Variants in FMN2 observed in about 807,000 individuals in gnomAD.
FMN2 encodes the protein formin-2.
FMN2 carries 51 observed loss-of-function variants against 142.3 expected under a neutral mutation model. That is an observed-to-expected ratio of 0.36 (90% confidence interval 0.29 to 0.45). The LOEUF (loss-of-function observed/expected upper bound fraction) is 0.45. Ranked by LOEUF, FMN2 falls within the 20% of genes least tolerant of loss-of-function variation. The pLI, the probability that FMN2 is intolerant of heterozygous loss-of-function variation, is 1.00. For missense variants in FMN2, 1,936 were observed against 2,122.8 expected (o/e 0.91, Z 1.73); for synonymous variants, 882 against 869.8 (o/e 1.01, Z -0.25).
chr1:240,439,213 C>T (rs1275853924), intron 16 of FMN2, among the ~76,000 whole-genome samples: 2 of 145,826 alleles, frequency 1.4e-5, no homozygotes, highest in African/African-American at 2.6e-5. Context: ...GCGGAGGTTG[C>T]AGTGAGCCGA....
intron 2 of FMN2, among the ~76,000 whole-genome samples, chr1:240,136,659 C>CA (rs1418933389): frequency 6.6e-6 from 1 of 152,118 alleles, no homozygotes; most frequent in Non-Finnish European, 1.5e-5. Flanking sequence ...ACTTTTCTGT[C>CA]ATGATTTTCT....
intron 16 of FMN2, among the ~76,000 whole-genome samples, chr1:240,443,763 A>T (rs12728531): frequency 0.16 from 23,518 of 146,266 alleles, 2,064 homozygotes; most frequent in Non-Finnish European, 0.21. Flanking sequence ...AAAAAAAAAA[A>T]TTTTTTTTTC....
Position 240,410,410 on chromosome 1 carries a change from G to A in FMN2, c.4910+17848G>A, listed in dbSNP as rs944349034. Among the ~76,000 whole-genome samples, 3 of 152,266 alleles carry A rather than the reference G, an allele frequency of 2.0e-5. No individual in the cohort carries two copies. The South Asian group carries it at 6.2e-4, about 32-fold the overall frequency. ...ATTGAGACAATTTGCAATAATTGAA[G>A]CAAACTTTTAAAATCCATAGGGGCA... is the stretch of plus-strand genomic sequence containing the variant. On this transcript the variant is annotated intron_variant, in intron 15 of 17. Coordinates refer to ENST00000319653, the MANE Select transcript of FMN2 (RefSeq NM_020066.5).
chr1:240,353,320 T>C (rs1672159200), intron 13 of FMN2, among the ~76,000 whole-genome samples: 1 of 152,230 alleles, frequency 6.6e-6, no homozygotes, highest in Admixed American at 6.5e-5. Context: ...TTCATTAAAC[T>C]CACTACCATA....
At chr1:240,277,716 G>A (rs1420295237) in intron 7 of FMN2, among the ~76,000 whole-genome samples, 1 of 151,424 alleles carries the variant, frequency 6.6e-6, no homozygotes, top group Non-Finnish European at 1.5e-5. Context: ...TGTATTTTTA[G>A]TAGAGACGAG....
intron 7 of FMN2, among the ~76,000 whole-genome samples, chr1:240,260,961 TC>T (rs1370401749): frequency 2.0e-5 from 3 of 152,234 alleles, no homozygotes; most frequent in African/African-American, 7.2e-5. Context: ...AGTTTCATTC[TC>T]CTACAGTGTC....
chr1:240,267,632 T>TAAA (rs60539167), intron 7 of FMN2, among the ~76,000 whole-genome samples: 1 of 140,568 alleles, frequency 7.1e-6, no homozygotes, highest in South Asian at 2.3e-4. Flanking sequence ...CCCCTGAACT[T>TAAA]AAAAAAAAAA....
intron 2 of FMN2, chr1:240,145,530 A>AT (rs71168902): frequency 0.017 from 1,455 of 84,488 alleles, 142 homozygotes; most frequent in Admixed American, 0.035. Flanking sequence ...TTCTTTTTCT[A>AT]TTTTTTTTTT....
intron 1 of FMN2, among the ~76,000 whole-genome samples, chr1:240,098,044 C>G (rs907521180): frequency 2.7e-5 from 4 of 147,674 alleles, no homozygotes; most frequent in African/African-American, 1.0e-4. Flanking sequence ...TGCATAGGCT[C>G]TAGAACTTGG....
At chr1:240,320,374 A>C (rs2102999327) in intron 8 of FMN2, among the ~76,000 whole-genome samples, 1 of 152,320 alleles carries the variant, frequency 6.6e-6, no homozygotes, top group Non-Finnish European at 1.5e-5. Flanking sequence ...TTTGGCCATA[A>C]GGAAGAATGA....
chr1:240,192,912 C>T (rs1030879067), intron 4 of FMN2, among the ~76,000 whole-genome samples: 4 of 151,596 alleles, frequency 2.6e-5, no homozygotes, highest in East Asian at 1.9e-4. Flanking sequence ...AAAATATAGA[C>T]GTTTTAGCTT....
intron 13 of FMN2, among the ~76,000 whole-genome samples, chr1:240,336,553 C>CAAA (rs552135436): frequency 2.6e-4 from 13 of 50,518 alleles, no homozygotes; most frequent in South Asian, 3.8e-3. Context: ...TGGTATTCTC[C>CAAA]AAAAAAAAAA....
intron 8 of FMN2, among the ~76,000 whole-genome samples, chr1:240,301,574 C>T (rs1670198264): frequency 6.6e-6 from 1 of 151,424 alleles, no homozygotes; most frequent in African/African-American, 2.4e-5. Context: ...TCTTAATTTT[C>T]TTTCATCTTA....
chr1:240,329,570 A>C, intron 10 of FMN2, 102 bp downstream of exon 10: 1 of 1,439,726 alleles, frequency 6.9e-7, no homozygotes, highest in Non-Finnish European at 9.4e-7. Flanking sequence ...CTAAGTACTC[A>C]CCAAATTTGA....
intron 6 of FMN2, among the ~76,000 whole-genome samples, chr1:240,229,010 T>C (rs1161124168): frequency 6.6e-6 from 1 of 151,916 alleles, no homozygotes; most frequent in African/African-American, 2.4e-5. Context: ...GAAAATCCTT[T>C]CTGGCCTTCT....
At chr1:240,215,405 G>A (rs566975926) in intron 6 of FMN2, among the ~76,000 whole-genome samples, 53 of 152,264 alleles carry the variant, frequency 3.5e-4, no homozygotes, top group African/African-American at 1.3e-3. Context: ...GAGATATAGC[G>A]GAATTCAATG....
chr1:240,159,151 T>C (rs1167048316), intron 2 of FMN2, among the ~76,000 whole-genome samples: 1 of 152,152 alleles, frequency 6.6e-6, no homozygotes, highest in Non-Finnish European at 1.5e-5. Flanking sequence ...ATTGGTTTGC[T>C]TGTCCAACTG....
intron 16 of FMN2, among the ~76,000 whole-genome samples, chr1:240,466,761 T>C (rs1475503693): frequency 1.3e-5 from 2 of 152,216 alleles, no homozygotes; most frequent in African/African-American, 2.4e-5. Context: ...TCTTATATTC[T>C]TTGAAATGTG....
At chr1:240,155,547 C>T (rs924498140) in intron 2 of FMN2, among the ~76,000 whole-genome samples, 32 of 152,058 alleles carry the variant, frequency 2.1e-4, no homozygotes, top group African/African-American at 7.5e-4. Context: ...TCTCAAAGTG[C>T]TGGGATTATG....
Sources: gnomAD v4.1 joint callset for allele counts (sites outside exome capture counted in the v4.1 genomes callset) on GRCh38, gnomAD v4.1.1 for gene constraint, MANE v1.5 for transcripts, NCBI Gene and HGNC (gene_info 2026-07-23, HGNC 2026-07-21) for gene names.